Variants in ZNF226 observed in about 807,000 individuals in gnomAD.
ZNF226 encodes the protein Kruppel-associated box protein.
A neutral mutation model predicts 11.4 loss-of-function variants in ZNF226; 6 were observed. The observed-to-expected ratio is 0.53, with a 90% CI of 0.29 to 1.04. ZNF226 has a LOEUF of 1.04. ZNF226 is among the 50% of genes least tolerant of loss of function. ZNF226 has a pLI of 0.08. For synonymous variants in ZNF226, 350 were observed against 322.8 expected (o/e 1.08, Z -0.90); for missense variants, 1,058 against 956.5 (o/e 1.11, Z -1.40).
At chr19:44,182,633 G>C (rs1215560417), downstream of ZNF226, among the ~76,000 whole-genome samples, 1 of 152,138 alleles carries the variant, frequency 6.6e-6, no homozygotes, top group Non-Finnish European at 1.5e-5. Context: ...GGAGAGCTCT[G>C]TAGTAACTCT....
At chr19:44,178,704 C>A (rs1011977653), downstream of ZNF226, among the ~76,000 whole-genome samples, 1 of 152,048 alleles carries the variant, frequency 6.6e-6, no homozygotes, top group African/African-American at 2.4e-5. Flanking sequence ...ATGTGCATCT[C>A]TTTTTTCTGG....
intron 5 of ZNF226, chr19:44,175,226 A>G (rs1599733783): frequency 2.1e-6 from 3 of 1,401,928 alleles, no homozygotes; most frequent in Admixed American, 6.8e-5. Context: ...TAGGAAAGAC[A>G]TGGAATAAAA....
In ZNF226 at chr19:44,176,264, A is replaced by G. The variant is rs776454585; in HGVS notation, c.1002A>G (p.Pro334=). ...THQKVHVIEK[P]YKCKQCGKGF... is the part of the protein sequence containing the mutation. ...AGAAAGTCCACGTGATAGAGAAACC[A>G]TACAAATGTAAGCAATGTGGGAAAG... Residue 334 remains proline, a synonymous_variant, in exon 6 of 6, where the codon CCA becomes CCG. Transcript: ENST00000337433. The G allele has an allele frequency of 1.9e-6, 3 of 1,614,190 alleles. No homozygotes were observed. Among genetic ancestry groups the G allele is most frequent in the South Asian group, 2.2e-5 (2 of 91,080 alleles).
At chr19:44,166,187 T>C (rs927882175) in intron 2 of ZNF226, among the ~76,000 whole-genome samples, 4 of 152,102 alleles carry the variant, frequency 2.6e-5, no homozygotes, top group African/African-American at 9.7e-5. Context: ...TTGCTCAAGG[T>C]CTGGGCTATT....
intron 2 of ZNF226, 46 bp from the exon 3 acceptor site, chr19:44,169,989 G>T: frequency 7.2e-7 from 1 of 1,390,472 alleles, no homozygotes; most frequent in Non-Finnish European, 9.8e-7. Context: ...ACGTGCATTA[G>T]CAACATACTT....
At position 44,172,892 on chromosome 19, in the gene ZNF226, A is replaced by G. The variant is rs1432820075; in HGVS notation, c.175A>G (p.Ile59Val). ...HPPFKQDVSPIERNEQLWIMT... is the reference protein window; with the variant it reads ...HPPFKQDVSPVERNEQLWIMT... ...ACCCTTCAAACAAGATGTATCACCT[A>G]TAGAAAGAAATGAGCAGCTTTGGAT... is the stretch of plus-strand genomic sequence containing the variant. Residue 59 changes from isoleucine (I) to valine (V), a missense_variant, in exon 5 of 6, where the codon ATA (isoleucine) becomes GTA (valine). Coordinates refer to ENST00000337433, the MANE Select transcript of ZNF226 (RefSeq NM_001032373.2). 2.8e-5 allele frequency: 45 copies of G among 1,605,960 alleles called. No homozygotes were observed. Among genetic ancestry groups the G allele is most frequent in the Non-Finnish European group, 3.6e-5 (42 of 1,176,218 alleles).
the ZNF226 span, among the ~76,000 whole-genome samples, chr19:44,186,915 T>A: frequency 6.6e-6 from 1 of 151,784 alleles, no homozygotes; most frequent in African/African-American, 2.4e-5. Context: ...TATTTTGTTA[T>A]GTGGTGTATT....
At chr19:44,172,429 C>T in intron 4 of ZNF226, 2 of 501,078 alleles carry the variant, frequency 4.0e-6, no homozygotes, top group South Asian at 2.6e-5. Flanking sequence ...TACTGCTATG[C>T]CTTGTCTATT....
At chr19:44,179,774 G>GA (rs1568576885), downstream of ZNF226, among the ~76,000 whole-genome samples, 1 of 151,840 alleles carries the variant, frequency 6.6e-6, no homozygotes, top group Non-Finnish European at 1.5e-5. Context: ...TCGAGCTGTG[G>GA]AAAAAAGGAA....
Position 44,175,485 on chromosome 19 carries a change from T to C in ZNF226, c.236-13T>C. On this transcript the variant is annotated splice_polypyrimidine_tract_variant and intron_variant, in intron 5 of 5. Coordinates refer to ENST00000337433, the MANE Select transcript of ZNF226 (RefSeq NM_001032373.2). Reference sequence around the variant, plus strand: ...AAAAATTCACTATCTCTCTGAATCCTTTGTCCTTACAGGAGAGAAAAATCA... The same window carrying C: ...AAAAATTCACTATCTCTCTGAATCCCTTGTCCTTACAGGAGAGAAAAATCA... 5.8e-6 allele frequency: 9 copies of C among 1,557,670 alleles called. No individual in the cohort carries two copies. The highest frequency in any genetic ancestry group is 7.8e-6 in the Non-Finnish European group (9 of 1,158,616).
intron 5 of ZNF226, 117 bp from the exon 6 acceptor site, chr19:44,175,381 A>G (rs757297696): frequency 5.6e-6 from 8 of 1,434,700 alleles, no homozygotes; most frequent in African/African-American, 1.4e-5. Context: ...ATGTGTCACA[A>G]AAGATGAGCA....
chr19:44,187,687 T>C, the ZNF226 span, among the ~76,000 whole-genome samples: 1 of 152,092 alleles, frequency 6.6e-6, no homozygotes, highest in Non-Finnish European at 1.5e-5. This position sits in a 1 kb window ranked among gnomAD's most constrained non-coding sequence, Gnocchi z 4.0. Context: ...CTTGTTCTTC[T>C]TTTCCTATTT....
the ZNF226 span, among the ~76,000 whole-genome samples, chr19:44,197,802 T>A: frequency 6.6e-6 from 1 of 152,246 alleles, no homozygotes; most frequent in Non-Finnish European, 1.5e-5. Flanking sequence ...GATTATCTTT[T>A]CAACTGTGGC....
At chr19:44,165,515 A>AG (rs1179081859) in intron 1 of ZNF226, 7 of 152,214 alleles carry the variant, frequency 4.6e-5, no homozygotes, top group African/African-American at 7.2e-5. Context: ...ATGTTTTGAG[A>AG]GAAAACGAGG....
chr19:44,179,435 C>T (rs1970873866), downstream of ZNF226, among the ~76,000 whole-genome samples: 1 of 152,014 alleles, frequency 6.6e-6, no homozygotes, highest in African/African-American at 2.4e-5. Flanking sequence ...AATCTTGTGT[C>T]ATCATATAGC....
chr19:44,171,995 G>T (rs2232801), intron 3 of ZNF226, 93 bp from the exon 4 acceptor site: 194 of 1,523,200 alleles, frequency 1.3e-4, no homozygotes, highest in Non-Finnish European at 1.6e-4. Context: ...ACAAACGGCT[G>T]GGCATCCAGA....
the ZNF226 span, among the ~76,000 whole-genome samples, chr19:44,186,874 G>GTT: frequency 4.8e-5 from 3 of 62,922 alleles, no homozygotes; most frequent in South Asian, 5.2e-4. Context: ...CTAGTTAAGT[G>GTT]GTTTTTTTTT....
downstream of ZNF226, chr19:44,177,725 AAGTC>A: frequency 6.6e-7 from 1 of 1,515,284 alleles, no homozygotes; most frequent in East Asian, 2.3e-5. Flanking sequence ...TCAAGTCTCA[AAGTC>A]AGTGTTTCAG....
At chr19:44,169,960 T>C in intron 2 of ZNF226, 75 bp from the exon 3 acceptor site, 2 of 985,092 alleles carry the variant, frequency 2.0e-6, no homozygotes, top group Non-Finnish European at 1.5e-6. Context: ...ACACCTTTGC[T>C]AATTCCTAAA....
Sources: gnomAD v4.1 joint callset for allele counts (sites outside exome capture counted in the v4.1 genomes callset) on GRCh38, gnomAD v4.1.1 for gene constraint, Gnocchi (gnomAD v3.1) non-coding constraint, MANE v1.5 for transcripts, NCBI Gene and HGNC (gene_info 2026-07-23, HGNC 2026-07-21) for gene names.